MEIS2: variants seen among roughly 807,000 people sequenced by gnomAD.
MEIS2 encodes homeobox protein Meis2.
MEIS2 carries 9 observed loss-of-function variants against 58.6 expected under a neutral mutation model. The ratio of observed to expected loss-of-function variants is 0.15; its 90% CI spans 0.09 to 0.27. The LOEUF is 0.27. Ranked by LOEUF, MEIS2 falls within the 10% of genes least tolerant of loss-of-function variation. The pLI, the probability that MEIS2 is intolerant of heterozygous loss-of-function variation, is 1.00. For missense variants in MEIS2, 427 were observed against 635.0 expected (o/e 0.67, Z 3.52); for synonymous variants, 221 against 228.4 (o/e 0.97, Z 0.29).
intron 7 of MEIS2, among the ~76,000 whole-genome samples, chr15:37,050,446 A>G (rs1022428642): frequency 2.6e-5 from 4 of 152,174 alleles, no homozygotes; most frequent in Non-Finnish European, 5.9e-5. Flanking sequence ...TTTGTCTCTA[A>G]GAGGTGTAAA....
chr15:36,890,373 C>T lies in MEIS2; in HGVS notation c.*1800G>A, dbSNP rs1188519193. On this transcript the variant is annotated 3_prime_UTR_variant, in exon 12 of 12. Transcript: ENST00000561208. Reference sequence around the variant, plus strand: ...AATTTTGAAAATGGCATTATACCGTCCATTTTGTTTTGTTTTGTTTTCAGA... The same window carrying T: ...AATTTTGAAAATGGCATTATACCGTTCATTTTGTTTTGTTTTGTTTTCAGA... 6.6e-6 allele frequency: 1 copy of T among 152,078 alleles called. No individual in the cohort carries two copies. The highest frequency in any genetic ancestry group is 1.5e-5 in the Non-Finnish European group (1 of 67,974). 9.4% of individuals were successfully genotyped at this position (152,078 alleles called of 1,614,324 possible).
chr15:36,919,573 G>A (rs1359740533), intron 9 of MEIS2, among the ~76,000 whole-genome samples: 1 of 64,270 alleles, frequency 1.6e-5, no homozygotes, highest in Non-Finnish European at 3.0e-5. Flanking sequence ...GTGAAACTCC[G>A]TCTCAAAAAA....
At chr15:37,021,936 T>C (rs2061539228) in intron 8 of MEIS2, among the ~76,000 whole-genome samples, 1 of 152,156 alleles carries the variant, frequency 6.6e-6, no homozygotes, top group African/African-American at 2.4e-5. Context: ...TTTCCCCTTA[T>C]CTCAAAATAC....
At chr15:36,902,865 A>G (rs2056548557) in intron 9 of MEIS2, among the ~76,000 whole-genome samples, 2 of 152,208 alleles carry the variant, frequency 1.3e-5, no homozygotes, top group African/African-American at 4.8e-5. Context: ...TGGGCCAGTA[A>G]AATGTTTTTG....
intron 1 of MEIS2, chr15:37,098,626 C>G (rs1894693157): frequency 5.1e-6 from 1 of 195,164 alleles, no homozygotes; most frequent in Non-Finnish European, 9.4e-6. Flanking sequence ...GAGGGGGCGC[C>G]GGGAGGCCCC....
chr15:37,060,971 G>A (rs1032903540), intron 7 of MEIS2, among the ~76,000 whole-genome samples: 1 of 152,130 alleles, frequency 6.6e-6, no homozygotes, highest in African/African-American at 2.4e-5. Context: ...TATCAATCAA[G>A]GAAGGAAATT....
At chr15:37,094,205 A>G (rs1893907285) in intron 5 of MEIS2, among the ~76,000 whole-genome samples, 1 of 152,202 alleles carries the variant, frequency 6.6e-6, no homozygotes, top group Admixed American at 6.5e-5. Flanking sequence ...ATGCAAACCC[A>G]GGGCCGAGGG....
intron 7 of MEIS2, among the ~76,000 whole-genome samples, chr15:37,061,279 C>G (rs1889179458): frequency 6.6e-6 from 1 of 152,114 alleles, no homozygotes. Context: ...ATTGGGATGC[C>G]TTCTTGAAAG....
chr15:37,047,198 C>A (rs991875028), intron 7 of MEIS2, among the ~76,000 whole-genome samples: 10 of 152,102 alleles, frequency 6.6e-5, no homozygotes, highest in African/African-American at 2.4e-4. Flanking sequence ...ACAGTTAACA[C>A]TCATATTTTA....
chr15:36,943,047 T>A (rs937536969), intron 9 of MEIS2, among the ~76,000 whole-genome samples: 1 of 152,160 alleles, frequency 6.6e-6, no homozygotes, highest in African/African-American at 2.4e-5. Flanking sequence ...AATGTTTTTT[T>A]AAAATACAAT....
At chr15:36,953,755 G>A (rs2058848874) in intron 8 of MEIS2, among the ~76,000 whole-genome samples, 1 of 152,190 alleles carries the variant, frequency 6.6e-6, no homozygotes, top group Middle Eastern at 3.2e-3. Context: ...GATAGAAAAT[G>A]TATTGTAATT....
chr15:36,999,816 C>T lies in MEIS2; in HGVS notation c.900+36998G>A, dbSNP rs1467886809. Among the ~76,000 whole-genome samples the T allele has an allele frequency of 2.0e-5, 3 of 152,216 alleles. No homozygotes were observed. In the East Asian group the frequency reaches 5.8e-4, roughly 29 times the overall value. On this transcript the variant is annotated intron_variant, in intron 8 of 11. Transcript: ENST00000561208. ...TATGTGCTTGGCACTGCATTTCACA[C>T]TTTTATTTATTTTAGTCCTCATAGT... is the stretch of plus-strand genomic sequence containing the variant.
At chr15:36,932,287 G>A (rs1461559275) in intron 9 of MEIS2, among the ~76,000 whole-genome samples, 1 of 152,160 alleles carries the variant, frequency 6.6e-6, no homozygotes, top group Non-Finnish European at 1.5e-5. Flanking sequence ...TGATCACAGC[G>A]TTGTCTGTGC....
chr15:37,066,955 T>C (rs1744566152), intron 7 of MEIS2, among the ~76,000 whole-genome samples: 1 of 151,908 alleles, frequency 6.6e-6, no homozygotes, highest in Admixed American at 6.6e-5. Flanking sequence ...ACTTTTTTGT[T>C]TTTTTTGTAG....
intron 8 of MEIS2, among the ~76,000 whole-genome samples, chr15:36,964,488 G>T (rs1567115695): frequency 1.3e-5 from 2 of 152,108 alleles, no homozygotes; most frequent in Non-Finnish European, 2.9e-5. Flanking sequence ...TAATGACAAG[G>T]GGAGGGAAAA....
chr15:36,909,039 C>T (rs4640136), intron 9 of MEIS2, among the ~76,000 whole-genome samples: 121,617 of 152,148 alleles, frequency 0.8, 49,315 homozygotes, highest in East Asian at 0.94. Context: ...AGGTAACGTA[C>T]AAATAAACAA....
At chr15:36,942,725 T>G (rs2058418797) in intron 9 of MEIS2, among the ~76,000 whole-genome samples, 1 of 151,970 alleles carries the variant, frequency 6.6e-6, no homozygotes, top group Non-Finnish European at 1.5e-5. Flanking sequence ...GGAAAGAACT[T>G]AAAGACTACT....
At chr15:37,037,254 C>A (rs919429497) in intron 7 of MEIS2, among the ~76,000 whole-genome samples, 1 of 152,098 alleles carries the variant, frequency 6.6e-6, no homozygotes, top group East Asian at 1.9e-4. Context: ...GTGGGAAAAC[C>A]GCCATCAGAA....
intron 8 of MEIS2, among the ~76,000 whole-genome samples, chr15:36,952,519 C>T (rs946463529): frequency 2.0e-5 from 3 of 151,712 alleles, no homozygotes; most frequent in African/African-American, 7.3e-5. Context: ...TGTGTTTAGT[C>T]TTGCTCACTG....
Sources: allele counts gnomAD v4.1 joint callset (sites outside exome capture counted in the v4.1 genomes callset), GRCh38; gene constraint gnomAD v4.1.1; transcripts MANE v1.5; gene names NCBI Gene and HGNC (gene_info 2026-07-23, HGNC 2026-07-21).